Variants in TTN observed in about 807,000 individuals in gnomAD.
The protein encoded by TTN is titin.
TTN carries 1,525 observed loss-of-function variants against 3,223.0 expected under a neutral mutation model. The observed-to-expected ratio is 0.47, with a 90% CI of 0.45 to 0.49. The LOEUF (loss-of-function observed/expected upper bound fraction) is 0.49, where lower values mean the gene tolerates loss of function less well. Ranked by LOEUF, TTN falls within the 20% of genes least tolerant of loss-of-function variation. The pLI is 0.00. For synonymous variants in TTN, 14,094 were observed against 15,161.0 expected, an observed-to-expected ratio of 0.93 and a Z score of 5.17; for missense variants, 40,786 against 43,424.0, an observed-to-expected ratio of 0.94 and a Z score of 5.40.
In TTN at chr2:178,612,862, T is replaced by A; in HGVS notation, c.49859A>T (p.Glu16620Val). ...HLLPGLMEGQ[E>V]YSFRVRAVNK... ...CACAGCTCTAACTCGGAATGAGTAT[T>A]CCTGTCCTTCCATGAGCCCTGGGAG... Residue 16620 changes from glutamate to valine, a missense_variant, in exon 265 of 363, where the codon GAA (glutamate) becomes GTA (valine). Transcript: ENST00000589042. The A allele has an allele frequency of 1.2e-6, 2 of 1,612,584 alleles. No homozygotes were observed. Among genetic ancestry groups the A allele is most frequent in the Non-Finnish European group, 1.7e-6 (2 of 1,179,222 alleles).
At chr2:178,639,434 A>G (rs2060935675) in intron 223 of TTN, among the ~76,000 whole-genome samples, 1 of 152,026 alleles carries the variant, frequency 6.6e-6, no homozygotes, top group Admixed American at 6.6e-5. Flanking sequence ...AAACATATTC[A>G]TTACTTAATC....
Position 178,555,095 on chromosome 2 carries a change from C to T in TTN, c.88364G>A (p.Gly29455Asp), listed in dbSNP as rs769764408. ...GCCAGCTCTGAGCTTCACAGATGTACCTGCTCTGTATTTGACAACTTCTGT... is the reference window on the plus strand; with the variant it reads ...GCCAGCTCTGAGCTTCACAGATGTATCTGCTCTGTATTTGACAACTTCTGT... ...EYTEVVKYRA[G>D]TSVKLRAGIS... Residue 29455 changes from glycine (G) to aspartate (D), a missense_variant, in exon 331 of 363, where the codon GGT becomes GAT. Gly to Asp is a moderately conservative substitution (Grantham distance 94, BLOSUM62 -1). Transcript: ENST00000589042. 6.2e-7 allele frequency: 1 copy of T among 1,613,776 alleles called. No individual in the cohort carries two copies. The highest frequency in any genetic ancestry group is 8.5e-7 in the Non-Finnish European group (1 of 1,179,786).
rs759900757 is a variant in TTN at position 178,719,364 on chromosome 2, G to A, written c.24026C>T (p.Ser8009Phe). The stretch of plus-strand genomic sequence containing the variant: ...GCCAACTGAAATCGGGGCTGAGCCA[G>A]AGACTCGGCACTCCAAAACAACTGA... ...GASVVLECRV[S>F]GSAPISVGWF... is the part of the protein sequence containing the mutation. Residue 8009 changes from serine (S) to phenylalanine (F), a missense_variant, in exon 83 of 363, where the codon TCT (serine) becomes TTT (phenylalanine). Ser to Phe is a radical substitution (Grantham distance 155). Transcript: ENST00000589042. 4.3e-6 allele frequency: 7 copies of A among 1,613,742 alleles called. No individual in the cohort carries two copies. The highest frequency in any genetic ancestry group is 5.1e-6 in the Non-Finnish European group (6 of 1,179,746).
At chr2:178,643,929 A>G (rs544952725) in intron 218 of TTN, among the ~76,000 whole-genome samples, 1 of 152,088 alleles carries the variant, frequency 6.6e-6, no homozygotes, top group South Asian at 2.1e-4. Context: ...TAATTCATTT[A>G]GTTTTCTTTA....
At chr2:178,749,281 G>C (rs532441307) in intron 47 of TTN, 1 of 1,611,318 alleles carries the variant, frequency 6.2e-7, no homozygotes, top group Admixed American at 1.7e-5. Flanking sequence ...CCTCTGCTTG[G>C]TGCAGCTTTG....
chr2:178,794,575 A>T (rs764596322), intron 7 of TTN, 24 bp from the exon 8 acceptor site: 2 of 1,614,136 alleles, frequency 1.2e-6, no homozygotes, highest in East Asian at 2.2e-5. Context: ...GACCAAGTAG[A>T]TTACTTTTTT....
chr2:178,773,424 G>T (rs758750281), intron 32 of TTN, 38 bp downstream of exon 32: 16 of 1,613,880 alleles, frequency 9.9e-6, no homozygotes, highest in Non-Finnish European at 1.4e-5. Flanking sequence ...AAAGTAGAAT[G>T]CTTAAAGTAA....
At chr2:178,613,684 G>T in intron 263 of TTN, 67 bp downstream of exon 263, 1 of 1,483,960 alleles carries the variant, frequency 6.7e-7, no homozygotes, top group Non-Finnish European at 9.1e-7. Flanking sequence ...TAATCCCAAG[G>T]AATACTAAAG....
chr2:178,579,507 G>T, intron 319 of TTN, 54 bp downstream of exon 319: 7 of 1,599,178 alleles, frequency 4.4e-6, no homozygotes, highest in Non-Finnish European at 5.1e-6. Flanking sequence ...GGACACAAGA[G>T]TGCACTTTCG....
At chr2:178,744,805 T>G (rs984906540) in intron 47 of TTN, 2 of 985,050 alleles carry the variant, frequency 2.0e-6, no homozygotes, top group Non-Finnish European at 2.4e-6. Context: ...TTGCTGCATT[T>G]TACACTTGAT....
Position 178,611,501 on chromosome 2 carries a change from A to G in TTN, c.50728T>C (p.Leu16910=), listed in dbSNP as rs1559779803. ...MRVNSRPIKD[L]KFKVEEGVVP... The stretch of plus-strand genomic sequence containing the variant: ...ACACCTTCTTCAACCTTGAATTTCA[A>G]GTCCTTTATTGGGCGAGAATTAACT... The change falls in exon 269 of 363, where the codon TTG becomes CTG. Residue 16910 remains leucine, a synonymous_variant. Transcript: ENST00000589042. 6.2e-7 allele frequency: 1 copy of G among 1,612,988 alleles called. No homozygotes were observed. The highest frequency in any genetic ancestry group is 8.5e-7 in the Non-Finnish European group (1 of 1,179,298).
rs377131448 is a variant in TTN, at chr2:178,636,630, G to A, written c.41097C>T (p.Phe13699=). 3.1e-5 allele frequency: 50 copies of A among 1,613,264 alleles called. 1 individual carries two copies. The highest frequency in any genetic ancestry group is 3.6e-5 in the Non-Finnish European group (42 of 1,179,584). Residue 13699 remains phenylalanine, a synonymous_variant, in exon 225 of 363, where the codon TTC becomes TTT. Coordinates refer to ENST00000589042, the MANE Select transcript of TTN (RefSeq NM_001267550.2). This position sits in a 1 kb window ranked among gnomAD's most constrained non-coding sequence, Gnocchi z 4.3. ...IKDIILTESE[F]VGSSAIFECL... Reference sequence around the variant, plus strand: ...ATTCAAAGATTGCTGAAGAGCCAACGAACTCTGATTCTGTCAAGATGATGT... The same window carrying A: ...ATTCAAAGATTGCTGAAGAGCCAACAAACTCTGATTCTGTCAAGATGATGT...
intron 3 of TTN, among the ~76,000 whole-genome samples, chr2:178,801,396 C>G (rs2094053835): frequency 6.6e-6 from 1 of 152,268 alleles, no homozygotes; most frequent in African/African-American, 2.4e-5. Flanking sequence ...TGTGAATTTT[C>G]TGGGTGCATG....
rs758214540 is a variant in TTN, at chr2:178,611,281, A to G, written c.50858-10T>C. 13 of 1,611,342 alleles carry G rather than the reference A, an allele frequency of 8.1e-6. No individual in the cohort carries two copies. In the South Asian group the frequency reaches 1.2e-4, roughly 15 times the overall value. ...TCAATTGTTGGCTTGCCTGTAAGAT[A>G]TCATTCAAAAGAGCAAAAAACAGAG... On this transcript the variant is annotated splice_polypyrimidine_tract_variant and intron_variant, in intron 269 of 362. Transcript: ENST00000589042.
At chr2:178,676,289 T>C (rs538053145) in intron 147 of TTN, among the ~76,000 whole-genome samples, 6 of 151,980 alleles carry the variant, frequency 3.9e-5, no homozygotes, top group Admixed American at 3.9e-4. Context: ...CTAATATCAT[T>C]TCATACATTT....
intron 33 of TTN, 137 bp from the exon 34 acceptor site, chr2:178,771,608 C>T: frequency 1.5e-6 from 2 of 1,296,762 alleles, no homozygotes; most frequent in Non-Finnish European, 2.2e-6. Context: ...TTGTTTTTAC[C>T]CATATTGAGA....
In TTN at chr2:178,731,093, T is replaced by G. The variant is rs376347879; in HGVS notation, c.17572A>C (p.Lys5858Gln). The G allele has an allele frequency of 9.9e-6, 16 of 1,613,640 alleles. No individual in the cohort carries two copies. The highest frequency in any genetic ancestry group is 1.3e-5 in the African/African-American group (1 of 74,904). ...GTKEITAKWF[K>Q]DGQELTLGSK... ...CCCAGGGTCAGTTCTTGGCCATCTT[T>G]AAACCATTTGGCTGTAATCTCCTTA... is the stretch of plus-strand genomic sequence containing the variant. Residue 5858 changes from lysine (K) to glutamine (Q), a missense_variant, in exon 60 of 363, where the codon AAA becomes CAA. Physicochemically the swap from Lys to Gln is moderately conservative, Grantham distance 53. Coordinates refer to ENST00000589042, the MANE Select transcript of TTN (RefSeq NM_001267550.2).
chr2:178,528,298 C>G lies in TTN; in HGVS notation c.107353G>C (p.Ala35785Pro), dbSNP rs1455841939. Reference sequence around the variant, plus strand: ...CGAAGGACCATTAAGGAAGCTGTAGCTGAACACTGGCCACGGAAATTTTTG... The same window carrying G: ...CGAAGGACCATTAAGGAAGCTGTAGGTGAACACTGGCCACGGAAATTTTTG... ...KAKNFRGQCS[A>P]TASLMVLPLV... is the part of the protein sequence containing the mutation. The change falls in exon 361 of 363, where the codon GCT (alanine) becomes CCT (proline). Residue 35785 changes from alanine to proline, a missense_variant. Physicochemically the swap from Ala to Pro is conservative, Grantham distance 27 (BLOSUM62 -1). Coordinates refer to ENST00000589042, the MANE Select transcript of TTN (RefSeq NM_001267550.2). 6.2e-7 allele frequency: 1 copy of G among 1,613,876 alleles called. No individual in the cohort carries two copies. The highest frequency in any genetic ancestry group is 8.5e-7 in the Non-Finnish European group (1 of 1,179,832).
rs775219028 is a variant in TTN at position 178,770,592 on chromosome 2, T to C, written c.8200A>G (p.Asn2734Asp). 1.2e-6 allele frequency: 2 copies of C among 1,614,168 alleles called. No homozygotes were observed. Among genetic ancestry groups the C allele is most frequent in the Non-Finnish European group, 1.7e-6 (2 of 1,180,002 alleles). The change falls in exon 35 of 363, where the codon AAT becomes GAT. Residue 2734 changes from asparagine to aspartate, a missense_variant. Asn to Asp is a conservative substitution (Grantham distance 23, BLOSUM62 1). Coordinates refer to ENST00000589042, the MANE Select transcript of TTN (RefSeq NM_001267550.2). ...TTGATCCACTGGACACCTTTGACAT[T>C]AGGGTGTGTAAGCTCGACAGTGAAA... The part of the protein sequence containing the change: ...AVFTVELTHP[N>D]VKGVQWIKNG...
Sources: gnomAD v4.1 joint callset for allele counts (sites outside exome capture counted in the v4.1 genomes callset) on GRCh38, gnomAD v4.1.1 for gene constraint, Gnocchi (gnomAD v3.1) non-coding constraint, MANE v1.5 for transcripts, NCBI Gene and HGNC (gene_info 2026-07-23, HGNC 2026-07-21) for gene names.